EXT2: variants seen among roughly 807,000 people sequenced by gnomAD.
EXT2 encodes the protein exostosin-2.
A neutral mutation model predicts 81.6 loss-of-function variants in EXT2; 53 were observed. The observed-to-expected ratio is 0.65, with a 90% confidence interval of 0.52 to 0.82. EXT2 has a LOEUF of 0.82. EXT2 is among the 40% of genes least tolerant of loss of function. EXT2 has a pLI of 0.00. For missense variants in EXT2, 774 were observed against 910.2 expected, an observed-to-expected ratio of 0.85 and a Z score of 1.93; for synonymous variants, 320 against 340.0, an observed-to-expected ratio of 0.94 and a Z score of 0.65.
intron 13 of EXT2, among the ~76,000 whole-genome samples, chr11:44,239,553 C>T (rs748788914): frequency 7.9e-5 from 12 of 151,664 alleles, no homozygotes; most frequent in African/African-American, 1.5e-4. Flanking sequence ...GCACCGTGCC[C>T]GGCTAATTTT....
At chr11:44,158,212 A>C (rs115427910) in intron 7 of EXT2, among the ~76,000 whole-genome samples, 16 of 152,186 alleles carry the variant, frequency 1.1e-4, no homozygotes, top group Admixed American at 1.0e-3. Flanking sequence ...TTACTGTACC[A>C]GCAGCTGGTG....
At chr11:44,240,000 C>T (rs1590672647) in intron 13 of EXT2, among the ~76,000 whole-genome samples, 1 of 152,094 alleles carries the variant, frequency 6.6e-6, no homozygotes, top group East Asian at 1.9e-4. Flanking sequence ...CTTACAATCC[C>T]TAATACAACA....
chr11:44,170,635 C>G (rs1955057561), intron 7 of EXT2, among the ~76,000 whole-genome samples: 1 of 152,086 alleles, frequency 6.6e-6, no homozygotes, highest in African/African-American at 2.4e-5. Flanking sequence ...ACAATAGATT[C>G]TACAGGTGTT....
chr11:44,096,197 T>A (rs2134932376), intron 1 of EXT2: 1 of 1,435,366 alleles, frequency 7.0e-7, no homozygotes, highest in Non-Finnish European at 9.5e-7. Flanking sequence ...CCGTGACCCC[T>A]CCCTTCCTGC....
At chr11:44,216,903 G>A (rs1028350616) in intron 10 of EXT2, among the ~76,000 whole-genome samples, 6 of 150,978 alleles carry the variant, frequency 4.0e-5, no homozygotes, top group Non-Finnish European at 7.4e-5. Flanking sequence ...AGTTATTAGA[G>A]CCACAACAGT....
At chr11:44,097,604 C>G (rs1178138848) in intron 1 of EXT2, among the ~76,000 whole-genome samples, 1 of 151,944 alleles carries the variant, frequency 6.6e-6, no homozygotes, top group African/African-American at 2.4e-5. Context: ...AGCTGGCCAA[C>G]ATGATGAAAA....
intron 4 of EXT2, among the ~76,000 whole-genome samples, chr11:44,117,867 T>C (rs1037888257): frequency 8.5e-5 from 13 of 152,164 alleles, no homozygotes; most frequent in African/African-American, 2.9e-4. Flanking sequence ...GCTCAGGTGA[T>C]CCTCCTGCCT....
At chr11:44,158,608 T>C (rs960276289) in intron 7 of EXT2, among the ~76,000 whole-genome samples, 3 of 150,746 alleles carry the variant, frequency 2.0e-5, no homozygotes, top group Non-Finnish European at 4.4e-5. Context: ...AATTAATAAA[T>C]TGATTTTAAT....
At chr11:44,162,748 G>A (rs1432029808) in intron 7 of EXT2, among the ~76,000 whole-genome samples, 2 of 152,026 alleles carry the variant, frequency 1.3e-5, no homozygotes, top group African/African-American at 2.4e-5. Flanking sequence ...CTAAATTACT[G>A]TCTTTATGTA....
At position 44,250,731 on chromosome 11, in the gene EXT2, C is replaced by T. The variant is rs1956131686; in HGVS notation, c.*6444C>T. On this transcript the variant is annotated 3_prime_UTR_variant, in exon 14 of 14. Coordinates refer to ENST00000533608, the MANE Select transcript of EXT2 (RefSeq NM_207122.2). ...CATCCGGTGCCTGGTGAGGGCCCTG[C>T]ATGGCTGGCTGCTGTCTGAAGCTAT... is the stretch of plus-strand genomic sequence containing the variant. Among the ~76,000 whole-genome samples the T allele has an allele frequency of 1.3e-5, 2 of 152,210 alleles. No homozygotes were observed. Among genetic ancestry groups the T allele is most frequent in the Non-Finnish European group, 2.9e-5 (2 of 68,038 alleles).
At chr11:44,238,470 A>G (rs1436183576) in intron 13 of EXT2, among the ~76,000 whole-genome samples, 1 of 152,042 alleles carries the variant, frequency 6.6e-6, no homozygotes, top group African/African-American at 2.4e-5. Flanking sequence ...GCATGATAGG[A>G]TATGTTATGA....
chr11:44,188,585 A>T (rs1037138878), intron 8 of EXT2, among the ~76,000 whole-genome samples: 1 of 152,228 alleles, frequency 6.6e-6, no homozygotes, highest in Non-Finnish European at 1.5e-5. Context: ...TTTTCAGTCC[A>T]GGTCTCAAAT....
At chr11:44,208,630 C>T (rs912916916) in intron 10 of EXT2, among the ~76,000 whole-genome samples, 1 of 152,194 alleles carries the variant, frequency 6.6e-6, no homozygotes, top group Admixed American at 6.5e-5. Flanking sequence ...GAAGGAACAA[C>T]TTTGATAACA....
intron 3 of EXT2, among the ~76,000 whole-genome samples, 154 bp downstream of exon 3, chr11:44,109,437 G>A (rs957252296): frequency 6.6e-6 from 1 of 152,168 alleles, no homozygotes; most frequent in Admixed American, 6.6e-5. Flanking sequence ...AGATTTAGAA[G>A]TGCTTAAATC....
chr11:44,229,524 G>A (rs775317438), intron 10 of EXT2, among the ~76,000 whole-genome samples: 14 of 152,130 alleles, frequency 9.2e-5, no homozygotes, highest in Non-Finnish European at 2.1e-4. Flanking sequence ...CCCAGACCAC[G>A]CCCAAGACCT....
At chr11:44,238,069 A>G (rs899292782) in intron 13 of EXT2, among the ~76,000 whole-genome samples, 2 of 152,192 alleles carry the variant, frequency 1.3e-5, no homozygotes, top group South Asian at 2.1e-4. Flanking sequence ...AGCCTGGGCA[A>G]CAAGAGTGAA....
chr11:44,232,473 A>G lies in EXT2; in HGVS notation c.1783A>G (p.Thr595Ala). The G allele has an allele frequency of 6.2e-7, 1 of 1,614,048 alleles. No homozygotes were observed. The highest frequency in any genetic ancestry group is 8.5e-7 in the Non-Finnish European group (1 of 1,179,938). The change falls in exon 11 of 14, where the codon ACT (threonine) becomes GCT (alanine). Residue 595 changes from threonine to alanine, a missense_variant. This residue lies in a region of EXT2 where 148 missense variants were observed against 239.7 expected (regional missense o/e 0.62). Transcript: ENST00000533608. ...GACGAATGAAGTGTCCATGGTGCTCACTGGGGCAGCTTTTTATCACAAGGT... is the reference window on the plus strand; with the variant it reads ...GACGAATGAAGTGTCCATGGTGCTCGCTGGGGCAGCTTTTTATCACAAGGT... ...EWTNEVSMVL[T>A]GAAFYHKYFN...
intron 8 of EXT2, among the ~76,000 whole-genome samples, chr11:44,191,604 A>C (rs1212294615): frequency 2.6e-5 from 4 of 152,192 alleles, no homozygotes; most frequent in Admixed American, 2.6e-4. Flanking sequence ...GCTTGATTTC[A>C]TGCAGAAAGT....
chr11:44,233,126 T>C (rs952372786), intron 11 of EXT2, among the ~76,000 whole-genome samples: 1 of 152,166 alleles, frequency 6.6e-6, no homozygotes, highest in Admixed American at 6.5e-5. Flanking sequence ...TTAAGATGTA[T>C]GTACATACAT....
Sources: allele counts gnomAD v4.1 joint callset (sites outside exome capture counted in the v4.1 genomes callset), GRCh38; gene constraint gnomAD v4.1.1; regional missense constraint gnomAD v4.1.1; transcripts MANE v1.5; gene names NCBI Gene and HGNC (gene_info 2026-07-23, HGNC 2026-07-21).